RELN: variants seen among roughly 807,000 people sequenced by gnomAD.
The protein encoded by RELN is reelin.
In RELN, 108 loss-of-function variants were observed where a neutral mutation model predicts 427.6. The observed-to-expected ratio is 0.25, with a 90% CI of 0.22 to 0.30. RELN has a LOEUF of 0.30. Among genes scored for constraint, RELN ranks in the 10% least tolerant of loss-of-function variants. RELN has a pLI of 1.00. For synonymous variants in RELN, 1,524 were observed against 1,513.4 expected (o/e 1.01, Z -0.16); for missense variants, 3,715 against 4,302.8 (o/e 0.86, Z 3.82).
At chr7:103,702,021 A>G (rs1834102900) in intron 8 of RELN, among the ~76,000 whole-genome samples, 2 of 152,212 alleles carry the variant, frequency 1.3e-5, no homozygotes, top group African/African-American at 2.4e-5. Flanking sequence ...AGAACTGGCA[A>G]TGTACTAAAA....
At chr7:103,732,611 T>C (rs1267069721) in intron 6 of RELN, among the ~76,000 whole-genome samples, 3 of 152,076 alleles carry the variant, frequency 2.0e-5, no homozygotes, top group African/African-American at 7.2e-5. Context: ...TAGTGATCCA[T>C]GTGAAAGACG....
At position 103,969,934 on chromosome 7, in the gene RELN, A is replaced by G. The variant is rs190357774; in HGVS notation, c.226+19197T>C. ...ATAAGTAACTTCCATGTCAGTGTATATAGTCTATCCTCATTATTCACAGAT... is the reference window on the plus strand; with the variant it reads ...ATAAGTAACTTCCATGTCAGTGTATGTAGTCTATCCTCATTATTCACAGAT... On this transcript the variant is annotated intron_variant, in intron 1 of 64. Transcript: ENST00000428762. Among the ~76,000 whole-genome samples the G allele has an allele frequency of 2.5e-3, 377 of 152,306 alleles. 1 individual carries two copies. The highest frequency in any genetic ancestry group is 4.3e-3 in the Non-Finnish European group (292 of 68,026).
At chr7:103,815,296 A>G (rs1422647043) in intron 3 of RELN, among the ~76,000 whole-genome samples, 1 of 152,222 alleles carries the variant, frequency 6.6e-6, no homozygotes, top group East Asian at 1.9e-4. Context: ...AAGGTTTTAC[A>G]CATAATGAAT....
chr7:103,646,265 T>C (rs571489090), intron 16 of RELN, among the ~76,000 whole-genome samples: 71 of 151,184 alleles, frequency 4.7e-4, no homozygotes, highest in Non-Finnish European at 9.3e-4. Context: ...AAATAAATAA[T>C]GAAGATCAGA....
chr7:103,526,117 C>T (rs933656941), intron 46 of RELN, among the ~76,000 whole-genome samples: 7 of 152,050 alleles, frequency 4.6e-5, no homozygotes, highest in South Asian at 2.1e-4. Context: ...TCCTGGCAGC[C>T]GAGAGGTGGC....
At chr7:103,643,891 G>A (rs1231502331) in intron 16 of RELN, among the ~76,000 whole-genome samples, 1 of 151,924 alleles carries the variant, frequency 6.6e-6, no homozygotes, top group Admixed American at 6.6e-5. Context: ...ACAGGCATGT[G>A]CCATGCCTGA....
At chr7:103,864,479 C>A (rs1410027421) in intron 2 of RELN, among the ~76,000 whole-genome samples, 1 of 152,216 alleles carries the variant, frequency 6.6e-6, no homozygotes, top group African/African-American at 2.4e-5. Context: ...TGGCAACCAC[C>A]ATTCTATTCT....
At chr7:103,686,461 G>T (rs371465071) in intron 10 of RELN, among the ~76,000 whole-genome samples, 14 of 152,216 alleles carry the variant, frequency 9.2e-5, no homozygotes, top group Middle Eastern at 6.8e-3. Flanking sequence ...TGCCACTTCA[G>T]ATTGCTCCTT....
At chr7:103,823,860 C>A (rs534106382) in intron 3 of RELN, among the ~76,000 whole-genome samples, 1 of 146,738 alleles carries the variant, frequency 6.8e-6, no homozygotes, top group Admixed American at 7.0e-5. Flanking sequence ...GGGCCATGTG[C>A]GGTAAAAATA....
chr7:103,969,168 G>T, intron 1 of RELN, among the ~76,000 whole-genome samples: 1 of 151,530 alleles, frequency 6.6e-6, no homozygotes, highest in East Asian at 1.9e-4. Flanking sequence ...ATGCATTTAA[G>T]ATTAATAAAC....
chr7:103,750,639 C>T (rs767457544), intron 5 of RELN, among the ~76,000 whole-genome samples: 23 of 152,108 alleles, frequency 1.5e-4, no homozygotes, highest in African/African-American at 5.6e-4. Context: ...ATCTACTAAC[C>T]CATTTTTTCT....
At chr7:103,552,489 T>C (rs1830435146) in intron 40 of RELN, among the ~76,000 whole-genome samples, 1 of 151,114 alleles carries the variant, frequency 6.6e-6, no homozygotes, top group Non-Finnish European at 1.5e-5. Context: ...GGCACTTGTT[T>C]CTTCCTGAAT....
chr7:103,587,077 C>A (rs764843020), intron 28 of RELN, among the ~76,000 whole-genome samples: 20 of 152,060 alleles, frequency 1.3e-4, no homozygotes, highest in Admixed American at 4.6e-4. Flanking sequence ...AGAGCCAAAG[C>A]AATCCTAAAC....
At chr7:103,722,698 A>G (rs1790107831) in intron 8 of RELN, among the ~76,000 whole-genome samples, 2 of 152,290 alleles carry the variant, frequency 1.3e-5, no homozygotes. Context: ...GTTTGAATTT[A>G]ACATAGATTA....
intron 20 of RELN, among the ~76,000 whole-genome samples, chr7:103,613,688 C>T (rs1330458579): frequency 6.6e-6 from 1 of 152,134 alleles, no homozygotes; most frequent in Admixed American, 6.5e-5. Context: ...AACTAGGCTT[C>T]ATTTAAATTG....
At chr7:103,722,811 C>G (rs1790110967) in intron 8 of RELN, among the ~76,000 whole-genome samples, 1 of 152,130 alleles carries the variant, frequency 6.6e-6, no homozygotes, top group Non-Finnish European at 1.5e-5. Context: ...ATATTTCAAT[C>G]TTAATCTGAG....
intron 1 of RELN, among the ~76,000 whole-genome samples, chr7:103,939,542 G>C (rs1796064627): frequency 6.6e-6 from 1 of 152,130 alleles, no homozygotes; most frequent in African/African-American, 2.4e-5. Context: ...CATGAACAGT[G>C]GTGGGTTGGT....
At chr7:103,916,236 T>G (rs1795478938) in intron 2 of RELN, among the ~76,000 whole-genome samples, 1 of 150,064 alleles carries the variant, frequency 6.7e-6, no homozygotes, top group South Asian at 2.1e-4. Flanking sequence ...GGTAGAAAAT[T>G]TATTTATTTG....
At chr7:103,539,398 G>A (rs973078224) in intron 44 of RELN, 71 bp from the exon 45 acceptor site, 97 of 1,400,568 alleles carry the variant, frequency 6.9e-5, no homozygotes, top group African/African-American at 4.5e-4. Flanking sequence ...TGCCTTTTTC[G>A]TTTGTTTGTT....
Sources: allele counts gnomAD v4.1 joint callset (sites outside exome capture counted in the v4.1 genomes callset), GRCh38; gene constraint gnomAD v4.1.1; transcripts MANE v1.5; gene names NCBI Gene and HGNC (gene_info 2026-07-23, HGNC 2026-07-21).